Variants in DOCK11 observed in about 807,000 individuals in gnomAD.
The protein encoded by DOCK11 is dedicator of cytokinesis 11, also known as dedicator of cytokinesis protein 11.
Under a neutral mutation model 169.1 loss-of-function variants are expected in DOCK11, and 70 were observed. That is an observed-to-expected ratio of 0.41 (90% CI 0.34 to 0.51). The LOEUF (loss-of-function observed/expected upper bound fraction) is 0.51, where lower values mean the gene tolerates loss of function less well. Ranked by LOEUF, DOCK11 falls within the 20% of genes least tolerant of loss-of-function variation. The probability of loss-of-function intolerance (pLI) is 0.10; values close to 1 mark genes in which losing one functional copy is unlikely to be tolerated. For missense variants in DOCK11, 1,166 were observed against 1,538.8 expected, an observed-to-expected ratio of 0.76 and a Z score of 4.05; for synonymous variants, 529 against 541.3, an observed-to-expected ratio of 0.98 and a Z score of 0.32.
At chrX:118,616,180 T>C in intron 30 of DOCK11, 2 of 937,114 alleles carry the variant, frequency 2.1e-6, no homozygotes, top group Non-Finnish European at 2.7e-6. Context: ...ATTTGTCCCT[T>C]TTCTTTTCAT....
At chrX:118,676,550 CA>C (rs2016612917) in intron 47 of DOCK11, 40 bp from the exon 48 acceptor site, 1 of 822,069 alleles carries the variant, frequency 1.2e-6, no homozygotes, top group East Asian at 3.7e-5. Context: ...TGTGTTTGCT[CA>C]TATTATTTAT....
chrX:118,623,156 T>G (rs936644528), intron 31 of DOCK11, among the ~76,000 whole-genome samples: 1 of 111,428 alleles, frequency 9.0e-6, no homozygotes, highest in African/African-American at 3.3e-5. Context: ...AGGCAGAGAT[T>G]GCAGTGAGCT....
chrX:118,510,630 G>A (rs1055885514), intron 1 of DOCK11, among the ~76,000 whole-genome samples: 3 of 111,016 alleles, frequency 2.7e-5, no homozygotes, highest in East Asian at 2.8e-4. Context: ...GGGGGTCAGC[G>A]GGGAGGTGTT....
intron 12 of DOCK11, 152 bp downstream of exon 12, chrX:118,574,170 G>A: frequency 1.8e-6 from 1 of 566,218 alleles, no homozygotes; most frequent in Non-Finnish European, 2.7e-6. Context: ...GAAGTTTGAG[G>A]GCAAAAATGG....
chrX:118,500,201 G>A (rs1047132406), intron 1 of DOCK11, among the ~76,000 whole-genome samples: 23 of 108,579 alleles, frequency 2.1e-4, no homozygotes, highest in South Asian at 3.9e-4. Context: ...GGCGCCCGCC[G>A]CCACGCCCGG....
intron 46 of DOCK11, among the ~76,000 whole-genome samples, chrX:118,672,575 G>T (rs2016505362): frequency 8.9e-6 from 1 of 112,503 alleles, no homozygotes; most frequent in African/African-American, 3.2e-5. Context: ...TGGGATTACA[G>T]GCGCCCGCCA....
intron 48 of DOCK11, 35 bp from the exon 49 acceptor site, chrX:118,680,447 T>C: frequency 2.4e-6 from 2 of 832,122 alleles, no homozygotes; most frequent in East Asian, 8.3e-5. Context: ...AAAAATAAAA[T>C]AAAATAAATA....
intron 44 of DOCK11, among the ~76,000 whole-genome samples, chrX:118,659,078 C>G (rs188925813): frequency 5.0e-4 from 56 of 111,605 alleles, no homozygotes; most frequent in African/African-American, 1.6e-3. Context: ...TCATTCTTTC[C>G]TAGTCATAGC....
chrX:118,630,380 C>T lies in DOCK11; in HGVS notation c.3776C>T (p.Thr1259Ile), dbSNP rs753862087. The change falls in exon 35 of 53, where the codon ACC (threonine) becomes ATC (isoleucine). Residue 1259 changes from threonine to isoleucine, a missense_variant and splice_region_variant. Coordinates refer to ENST00000276202, the MANE Select transcript of DOCK11 (RefSeq NM_144658.4). ...FPDQGNTGEN[T>I]RQSSTRSSVS... is the part of the protein sequence containing the mutation. ...TTCACGAACATCCTGTCCTTACAGA[C>T]CCGACAGAGTTCTACAAGGAGTAGT... The T allele has an allele frequency of 4.2e-6, 5 of 1,187,401 alleles. No individual in the cohort carries two copies. The highest frequency in any genetic ancestry group is 3.0e-4 in the Middle Eastern group (1 of 3,321).
chrX:118,513,063 T>G (rs1404898794), intron 1 of DOCK11, among the ~76,000 whole-genome samples: 2 of 111,960 alleles, frequency 1.8e-5, no homozygotes, highest in East Asian at 5.6e-4. Context: ...GAAACTCTTC[T>G]GTGGATCTGG....
intron 1 of DOCK11, among the ~76,000 whole-genome samples, chrX:118,535,921 C>A (rs1215958480): frequency 9.0e-6 from 1 of 111,567 alleles, no homozygotes; most frequent in Non-Finnish European, 1.9e-5. Context: ...GGGGAAGAGA[C>A]AAAGAGATGA....
chrX:118,606,710 T>G (rs2014515097), intron 24 of DOCK11, among the ~76,000 whole-genome samples: 1 of 111,923 alleles, frequency 8.9e-6, no homozygotes, highest in Non-Finnish European at 1.9e-5. Flanking sequence ...TTGGGGATAG[T>G]GTTGTTGAAA....
intron 44 of DOCK11, among the ~76,000 whole-genome samples, chrX:118,658,550 A>G (rs1319895592): frequency 9.0e-5 from 10 of 111,537 alleles, no homozygotes; most frequent in Non-Finnish European, 5.7e-5. Context: ...GAAAAGGGAA[A>G]GGAGGTATGC....
intron 40 of DOCK11, among the ~76,000 whole-genome samples, chrX:118,647,606 AAATAT>A (rs1471747828): frequency 4.6e-5 from 3 of 64,757 alleles, no homozygotes; most frequent in South Asian, 7.0e-4. Context: ...ATTAATATAT[AAATAT>A]AATATATAAG....
chrX:118,544,859 C>T lies in DOCK11; in HGVS notation c.393-464C>T, dbSNP rs747462550. ...TTTTTTTTTTAATTTTTGGTAGAGA[C>T]GGGGTTTCACCCTTTTGGCCAGGCT... On this transcript the variant is annotated intron_variant, in intron 4 of 52. Coordinates refer to ENST00000276202, the MANE Select transcript of DOCK11 (RefSeq NM_144658.4). 2.0e-4 allele frequency among the ~76,000 whole-genome samples: 21 copies of T among 103,390 alleles called. 1 individual carries two copies. In the East Asian group the frequency reaches 5.7e-3, roughly 28 times the overall value. 89.8% of individuals were successfully genotyped at this position (103,390 alleles called of 115,157 possible).
intron 32 of DOCK11, among the ~76,000 whole-genome samples, chrX:118,625,907 CCT>C (rs2015089859): frequency 9.0e-6 from 1 of 111,081 alleles, no homozygotes; most frequent in South Asian, 3.8e-4. Flanking sequence ...TCACATTAGA[CCT>C]AAAAGGTTTT....
At chrX:118,500,854 G>T (rs966264473) in intron 1 of DOCK11, among the ~76,000 whole-genome samples, 6 of 110,330 alleles carry the variant, frequency 5.4e-5, no homozygotes, top group Non-Finnish European at 1.1e-4. Flanking sequence ...GTTTCCCCAG[G>T]CTGGTCTCAA....
At chrX:118,609,578 G>A (rs796417226) in intron 27 of DOCK11, among the ~76,000 whole-genome samples, 5 of 111,865 alleles carry the variant, frequency 4.5e-5, no homozygotes, top group Non-Finnish European at 7.5e-5. Context: ...TGTTCTCACC[G>A]TCTAATCTGC....
At chrX:118,528,614 T>G (rs2147328162) in intron 1 of DOCK11, among the ~76,000 whole-genome samples, 1 of 111,154 alleles carries the variant, frequency 9.0e-6, no homozygotes, top group East Asian at 2.8e-4. Flanking sequence ...ATGGTAACAT[T>G]TGCAGGGGAT....
Sources: gnomAD v4.1 joint callset for allele counts (sites outside exome capture counted in the v4.1 genomes callset) on GRCh38, gnomAD v4.1.1 for gene constraint, MANE v1.5 for transcripts, NCBI Gene and HGNC (gene_info 2026-07-23, HGNC 2026-07-21) for gene names.